The following FABP12 variants were observed in gnomAD, a reference collection of about 807,000 sequenced individuals.
FABP12 encodes the protein fatty acid binding protein 12.
A neutral mutation model predicts 13.7 loss-of-function variants in FABP12; 19 were observed. The observed-to-expected ratio is 1.39, with a 90% CI of 0.97 to 2.04. The LOEUF (loss-of-function observed/expected upper bound fraction) is 2.04, where lower values mean the gene tolerates loss of function less well. Ranked by LOEUF, FABP12 falls within the 30% of genes most tolerant of loss-of-function variation. The pLI is 0.00. For missense variants in FABP12, 182 were observed against 164.2 expected (o/e 1.11, Z -0.59); for synonymous variants, 61 against 57.0 (o/e 1.07, Z -0.32).
chr8:81,559,950 A>G (rs1809692244), intron 1 of FABP12, among the ~76,000 whole-genome samples: 1 of 152,240 alleles, frequency 6.6e-6, no homozygotes, highest in Admixed American at 6.5e-5. Flanking sequence ...TGCAATGTTC[A>G]GATATCATTA....
At chr8:81,576,753 T>A (rs535702522) in intron 1 of FABP12, among the ~76,000 whole-genome samples, 1 of 152,308 alleles carries the variant, frequency 6.6e-6, no homozygotes, top group South Asian at 2.1e-4. Flanking sequence ...ACCACAAAGT[T>A]TTATTTCTAG....
intron 1 of FABP12, among the ~76,000 whole-genome samples, chr8:81,563,273 C>T (rs78350958): frequency 0.027 from 4,037 of 152,300 alleles, 172 homozygotes; most frequent in African/African-American, 0.093. Context: ...TAGATCACAG[C>T]ATGCAAGTCC....
At chr8:81,560,686 T>A (rs1049547270) in intron 1 of FABP12, among the ~76,000 whole-genome samples, 1 of 152,212 alleles carries the variant, frequency 6.6e-6, no homozygotes, top group African/African-American at 2.4e-5. Flanking sequence ...GAGTCATCAT[T>A]ACCTCATTTA....
Position 81,531,338 on chromosome 8 carries a change from C to A in FABP12, c.-23G>T. ...CATTCTGTCTGAGATAAGTTGATCT[C>A]AAAGAACAGTAGTTTCATGTGTATG... On this transcript the variant is annotated 5_prime_UTR_variant, in exon 2 of 5. It introduces an in-frame stop codon into an upstream open reading frame of the 5' UTR. Transcript: ENST00000360464. 6.4e-7 allele frequency: 1 copy of A among 1,555,590 alleles called. No homozygotes were observed. Among genetic ancestry groups the A allele is most frequent in the Non-Finnish European group, 8.8e-7 (1 of 1,141,374 alleles).
intron 1 of FABP12, among the ~76,000 whole-genome samples, chr8:81,570,746 A>G (rs2556581): frequency 0.72 from 108,791 of 151,930 alleles, 39,229 homozygotes; most frequent in Admixed American, 0.77. Context: ...GTCATCTCTC[A>G]GTCCTCTGCT....
intron 1 of FABP12, among the ~76,000 whole-genome samples, chr8:81,573,768 G>A (rs912622215): frequency 6.6e-6 from 1 of 152,120 alleles, no homozygotes; most frequent in African/African-American, 2.4e-5. Context: ...CACTCTTGGT[G>A]TAATAGAAGA....
chr8:81,568,587 T>G (rs1043577592), intron 1 of FABP12, among the ~76,000 whole-genome samples: 4 of 152,028 alleles, frequency 2.6e-5, no homozygotes, highest in African/African-American at 9.7e-5. Flanking sequence ...TCAAAAAAAC[T>G]AAAAATAGAA....
chr8:81,567,848 G>A (rs1342352534), intron 1 of FABP12, among the ~76,000 whole-genome samples: 1 of 151,848 alleles, frequency 6.6e-6, no homozygotes, highest in Non-Finnish European at 1.5e-5. Context: ...ACGGCCGGGC[G>A]CGGTGGCTCA....
chr8:81,567,951 C>T (rs1377369386), intron 1 of FABP12, among the ~76,000 whole-genome samples: 1 of 151,838 alleles, frequency 6.6e-6, no homozygotes, highest in African/African-American at 2.4e-5. Context: ...GAAACCCCGT[C>T]TCTACTAAAA....
intron 1 of FABP12, among the ~76,000 whole-genome samples, chr8:81,561,722 G>A (rs1300464059): frequency 6.6e-6 from 1 of 152,186 alleles, no homozygotes; most frequent in African/African-American, 2.4e-5. Flanking sequence ...GAAGAACTCA[G>A]CCGGTGCCCA....
rs1809400139 is a variant in FABP12, at chr8:81,544,273, TTCTGGAGGGTAGAAG to T, written c.-184-4545_-184-4531del. On this transcript the variant is annotated intron_variant, in intron 1 of 5. Transcript: ENST00000692030. ...GAAGCTCTGGAGGGTACTCTAGACG[TTCTGGAGGGTAGAAG>T]TCTGAAAACGAGATGTTGGCAGGGA... is the stretch of plus-strand genomic sequence containing the variant. 1.3e-5 allele frequency among the ~76,000 whole-genome samples: 2 copies of T among 152,172 alleles called. 1 individual carries two copies. Among genetic ancestry groups the T allele is most frequent in the South Asian group, 4.1e-4 (2 of 4,820 alleles).
At chr8:81,549,169 T>C (rs1310486576) in intron 1 of FABP12, among the ~76,000 whole-genome samples, 1 of 151,932 alleles carries the variant, frequency 6.6e-6, no homozygotes, top group Non-Finnish European at 1.5e-5. Context: ...TCCATGATAG[T>C]GTGAGCCAGT....
intron 1 of FABP12, among the ~76,000 whole-genome samples, chr8:81,558,398 G>C (rs2130035200): frequency 6.6e-6 from 1 of 152,220 alleles, no homozygotes; most frequent in East Asian, 1.9e-4. Flanking sequence ...GTAGATGTGA[G>C]GAAGACCCAG....
At chr8:81,549,500 C>T (rs1166415135) in intron 1 of FABP12, among the ~76,000 whole-genome samples, 2 of 152,150 alleles carry the variant, frequency 1.3e-5, no homozygotes, top group Non-Finnish European at 2.9e-5. Flanking sequence ...CCCAGTTGTT[C>T]TTTTCTTGTT....
intron 1 of FABP12, among the ~76,000 whole-genome samples, chr8:81,586,610 T>C (rs151142252): frequency 6.6e-6 from 1 of 152,226 alleles, no homozygotes; most frequent in South Asian, 2.1e-4. Flanking sequence ...TGAGCATTTA[T>C]TCCTGTCCTT....
intron 1 of FABP12, among the ~76,000 whole-genome samples, chr8:81,546,497 CA>C (rs544166796): frequency 0.032 from 3,600 of 111,684 alleles, 72 homozygotes; most frequent in African/African-American, 0.073. Context: ...ACTAAAAATA[CA>C]AAAAAAAAAA....
chr8:81,583,387 A>C (rs922963809), intron 1 of FABP12, among the ~76,000 whole-genome samples: 1 of 152,192 alleles, frequency 6.6e-6, no homozygotes, highest in Non-Finnish European at 1.5e-5. Flanking sequence ...GAGACAAAGA[A>C]TCAACAAAAC....
At chr8:81,565,075 A>G (rs1809792867) in intron 1 of FABP12, among the ~76,000 whole-genome samples, 1 of 152,084 alleles carries the variant, frequency 6.6e-6, no homozygotes, top group Non-Finnish European at 1.5e-5. Context: ...AAAAAAAACT[A>G]TAACAAGAGA....
chr8:81,585,869 G>A (rs1341155866), intron 1 of FABP12, among the ~76,000 whole-genome samples: 1 of 151,964 alleles, frequency 6.6e-6, no homozygotes, highest in African/African-American at 2.4e-5. Flanking sequence ...GAGTCAAAGG[G>A]TGCACATGCA....
Sources: gnomAD v4.1 joint callset for allele counts (sites outside exome capture counted in the v4.1 genomes callset) on GRCh38, gnomAD v4.1.1 for gene constraint, MANE v1.5 for transcripts, NCBI Gene and HGNC (gene_info 2026-07-23, HGNC 2026-07-21) for gene names.